The following SYNE1 variants were observed in gnomAD, a reference collection of about 807,000 sequenced individuals.
SYNE1 encodes nesprin-1.
A neutral mutation model predicts 1,111.0 loss-of-function variants in SYNE1; 616 were observed. The ratio of observed to expected loss-of-function variants is 0.55; its 90% confidence interval spans 0.52 to 0.59. The LOEUF (loss-of-function observed/expected upper bound fraction) is 0.59, where lower values mean the gene tolerates loss of function less well. Ranked by LOEUF, SYNE1 falls within the 20% of genes least tolerant of loss-of-function variation. The pLI, the probability that SYNE1 is intolerant of heterozygous loss-of-function variation, is 0.00. For synonymous variants in SYNE1, 3,855 were observed against 3,825.8 expected, an observed-to-expected ratio of 1.01 and a Z score of -0.28; for missense variants, 10,006 against 10,417.0, an observed-to-expected ratio of 0.96 and a Z score of 1.72.
chr6:152,404,091 T>C, intron 46 of SYNE1, 122 bp downstream of exon 46: 1 of 572,720 alleles, frequency 1.7e-6, no homozygotes, highest in Non-Finnish European at 3.0e-6. Flanking sequence ...ATATACGAGA[T>C]ATAGATATAT....
intron 3 of SYNE1, among the ~76,000 whole-genome samples, chr6:152,608,090 A>G (rs1482732212): frequency 6.6e-6 from 1 of 152,196 alleles, no homozygotes; most frequent in African/African-American, 2.4e-5. Context: ...ACAGAAGACC[A>G]CCATGGCACA....
At chr6:152,562,976 T>A (rs910535695) in intron 3 of SYNE1, among the ~76,000 whole-genome samples, 6 of 151,994 alleles carry the variant, frequency 3.9e-5, no homozygotes, top group Non-Finnish European at 5.9e-5. Context: ...ACTTTTAGAG[T>A]TCTTTTAAAG....
At chr6:152,367,471 T>G (rs2097101813) in intron 61 of SYNE1, 89 bp from the exon 62 acceptor site, 1 of 1,460,388 alleles carries the variant, frequency 6.8e-7, no homozygotes, top group Non-Finnish European at 9.5e-7. Flanking sequence ...AGGCAATCAG[T>G]CATGGCTTCA....
intron 91 of SYNE1, among the ~76,000 whole-genome samples, chr6:152,303,816 A>G (rs541137901): frequency 8.5e-5 from 13 of 152,332 alleles, no homozygotes; most frequent in African/African-American, 2.9e-4. Context: ...TGCTCCTCAA[A>G]TATTTTCCAT....
intron 2 of SYNE1, among the ~76,000 whole-genome samples, chr6:152,635,698 C>T (rs988251190): frequency 6.6e-6 from 1 of 152,128 alleles, no homozygotes; most frequent in Admixed American, 6.5e-5. Flanking sequence ...AATGGATGGG[C>T]ATTAAAGAAG....
intron 16 of SYNE1, among the ~76,000 whole-genome samples, chr6:152,470,855 A>C (rs1158786425): frequency 6.6e-6 from 1 of 152,192 alleles, no homozygotes; most frequent in Non-Finnish European, 1.5e-5. Flanking sequence ...ATTTGCATTG[A>C]AAATTAATTT....
intron 80 of SYNE1, 83 bp from the exon 81 acceptor site, chr6:152,325,385 A>G (rs1247961291): frequency 1.5e-6 from 2 of 1,353,422 alleles, no homozygotes; most frequent in Non-Finnish European, 2.1e-6. Flanking sequence ...ATCTTGGTAA[A>G]GCCCAAAATT....
At chr6:152,250,290 TC>T (rs1261904309) in intron 104 of SYNE1, among the ~76,000 whole-genome samples, 1 of 152,076 alleles carries the variant, frequency 6.6e-6, no homozygotes, top group Admixed American at 6.6e-5. Context: ...TATTTTTTTC[TC>T]TAAAATATCA....
intron 128 of SYNE1, among the ~76,000 whole-genome samples, chr6:152,186,942 A>G (rs1347884345): frequency 1.1e-4 from 16 of 152,346 alleles, no homozygotes; most frequent in Admixed American, 5.2e-4. Flanking sequence ...ACATCATGAT[A>G]AAGTCTTTAC....
rs1251614196 is a variant in SYNE1, at chr6:152,164,208, A to C, written c.23745T>G (p.Asp7915Glu). 1 of 1,614,074 alleles carries C rather than the reference A, an allele frequency of 6.2e-7. No individual in the cohort carries two copies. The highest frequency in any genetic ancestry group is 8.5e-7 in the Non-Finnish European group (1 of 1,180,040). The change falls in exon 131 of 146, where the codon GAT becomes GAG. Residue 7915 changes from aspartate to glutamate, a missense_variant. By Grantham distance (45) the Asp-to-Glu change is conservative (BLOSUM62 2). This residue lies in a region of SYNE1 where 2,182 missense variants were observed against 2,287.8 expected (regional missense o/e 0.95). Coordinates refer to ENST00000367255, the MANE Select transcript of SYNE1 (RefSeq NM_182961.4). ...ESELAKPIVYDSCNSEEIQRK... is the reference protein window; with the variant it reads ...ESELAKPIVYESCNSEEIQRK... ...TCTGTATTTCTTCCGAGTTACAGGA[A>C]TCGTAGACTATTGGCTTGGCCAGCT... is the stretch of plus-strand genomic sequence containing the variant.
At chr6:152,293,231 A>G (rs1010934306) in intron 95 of SYNE1, among the ~76,000 whole-genome samples, 5 of 152,224 alleles carry the variant, frequency 3.3e-5, no homozygotes, top group Non-Finnish European at 5.9e-5. Context: ...TTTGGAGTAT[A>G]TTTTATTCTT....
At chr6:152,139,894 T>C in intron 140 of SYNE1, 56 bp downstream of exon 140, 1 of 1,585,196 alleles carries the variant, frequency 6.3e-7, no homozygotes, top group Non-Finnish European at 8.6e-7. Context: ...ATCTGCACGG[T>C]CGTTCACGCG....
chr6:152,256,598 T>C (rs764027068), intron 102 of SYNE1, 36 bp downstream of exon 102: 24 of 1,612,244 alleles, frequency 1.5e-5, no homozygotes, highest in African/African-American at 1.1e-4. Context: ...AAGACTCTTA[T>C]AAACCAAGCC....
At chr6:152,130,123 C>T (rs1260343810) in intron 145 of SYNE1, among the ~76,000 whole-genome samples, 1 of 152,052 alleles carries the variant, frequency 6.6e-6, no homozygotes, top group East Asian at 1.9e-4. Context: ...GTGAGCTTGC[C>T]AAGTGCCCGG....
chr6:152,329,253 C>T (rs567961548), intron 78 of SYNE1, among the ~76,000 whole-genome samples: 8 of 152,306 alleles, frequency 5.3e-5, no homozygotes, highest in Non-Finnish European at 7.3e-5. Context: ...TGGCCAGGCA[C>T]GGTGGCTCCC....
Position 152,166,364 on chromosome 6 carries a change from T to C in SYNE1, c.23628-2039A>G, listed in dbSNP as rs529518175. On this transcript the variant is annotated intron_variant, in intron 130 of 145. Transcript: ENST00000367255. ...GAATTGTGTTTATTTAATTAACATG[T>C]TTTCATTTTAAAATTTTTATTTGAT... Among the ~76,000 whole-genome samples, 3 of 152,294 alleles carry C rather than the reference T, an allele frequency of 2.0e-5. No individual in the cohort carries two copies. In the South Asian group the frequency reaches 6.2e-4, roughly 32 times the overall value.
At chr6:152,437,741 T>C (rs2098486662) in intron 32 of SYNE1, among the ~76,000 whole-genome samples, 1 of 152,140 alleles carries the variant, frequency 6.6e-6, no homozygotes, top group African/African-American at 2.4e-5. Flanking sequence ...TGTAAGAGAA[T>C]CTCACAGGAG....
intron 2 of SYNE1, among the ~76,000 whole-genome samples, chr6:152,629,536 GGA>G (rs1364534969): frequency 9.6e-5 from 6 of 62,212 alleles, no homozygotes; most frequent in Admixed American, 1.7e-4. Flanking sequence ...GGGGGGGGGG[GGA>G]GGGGGAGGGG....
In SYNE1 at chr6:152,358,510, C is replaced by G; in HGVS notation, c.10471G>C (p.Val3491Leu). The G allele has an allele frequency of 6.2e-7, 1 of 1,614,096 alleles. No homozygotes were observed. Among genetic ancestry groups the G allele is most frequent in the Non-Finnish European group, 8.5e-7 (1 of 1,180,006 alleles). ...KEAVTKSEKL[V>L]RLHQEYQRDL... is the part of the protein sequence containing the mutation. ...CTCTGATACTCTTGGTGCAGGCGGA[C>G]AAGTTTTTCAGACTTGGTTACGGCT... is the stretch of plus-strand genomic sequence containing the variant. The change falls in exon 66 of 146, where the codon GTC (valine) becomes CTC (leucine). Residue 3491 changes from valine to leucine, a missense_variant. Val to Leu is a conservative substitution (Grantham distance 32, BLOSUM62 1). Around this residue, in one of 7 missense-constraint regions of SYNE1, gnomAD observed 4,955 missense variants for 5,017.2 expected, o/e 0.99. Coordinates refer to ENST00000367255, the MANE Select transcript of SYNE1 (RefSeq NM_182961.4).
Sources: allele counts gnomAD v4.1 joint callset (sites outside exome capture counted in the v4.1 genomes callset), GRCh38; gene constraint gnomAD v4.1.1; regional missense constraint gnomAD v4.1.1; transcripts MANE v1.5; gene names NCBI Gene and HGNC (gene_info 2026-07-23, HGNC 2026-07-21).